The following ZNF18 variants were observed in gnomAD, a reference collection of about 807,000 sequenced individuals.
ZNF18 encodes the protein zinc finger protein 18, also known as heart development-specific gene 1 protein.
In ZNF18, 42 loss-of-function variants were observed where a neutral mutation model predicts 58.1. The ratio of observed to expected loss-of-function variants is 0.72; its 90% CI spans 0.56 to 0.93. The LOEUF (loss-of-function observed/expected upper bound fraction) is 0.93. Among genes scored for constraint, ZNF18 ranks in the 40% least tolerant of loss-of-function variants. ZNF18 has a pLI of 0.00. For missense variants in ZNF18, 540 were observed against 644.2 expected (o/e 0.84, Z 1.75); for synonymous variants, 231 against 239.8 (o/e 0.96, Z 0.34).
chr17:12,001,704 A>G (rs1192869882), upstream of ZNF18, among the ~76,000 whole-genome samples: 2 of 152,176 alleles, frequency 1.3e-5, no homozygotes. Context: ...AAATGTTCTC[A>G]CCATAAAAAA....
chr17:11,985,230 C>T (rs7216752), intron 4 of ZNF18, among the ~76,000 whole-genome samples: 1,757 of 152,280 alleles, frequency 0.012, 31 homozygotes, highest in African/African-American at 0.039. Context: ...ACTGGGAATA[C>T]CATACAGCTA....
chr17:11,995,312 G>A (rs77360849), intron 1 of ZNF18, among the ~76,000 whole-genome samples: 22 of 151,252 alleles, frequency 1.5e-4, no homozygotes, highest in African/African-American at 5.1e-4. Flanking sequence ...GGGAGGCTGA[G>A]TGAGGCAGGA....
At chr17:12,011,159 A>G in the ZNF18 span, 1 of 591,188 alleles carries the variant, frequency 1.7e-6, no homozygotes, top group Non-Finnish European at 3.1e-6. Flanking sequence ...GAACAACTCC[A>G]TGTTTTCTAA....
At chr17:11,983,531 A>C (rs1299314011) in intron 5 of ZNF18, 124 bp from the exon 6 acceptor site, 11 of 704,546 alleles carry the variant, frequency 1.6e-5, no homozygotes, top group Non-Finnish European at 2.7e-5. Flanking sequence ...ACTTGCAGAA[A>C]CTCACCTTAG....
At position 11,978,321 on chromosome 17, in the gene ZNF18, G is replaced by A. The variant is rs765712023; in HGVS notation, c.1286C>T (p.Thr429Ile). ...RNSQLIFHQR[T>I]HTGETYFQCT... ...CTGAAAGTATGTCTCTCCGGTGTGA[G>A]TTCTTTGGTGAAAAATAAGCTGAGA... Residue 429 changes from threonine (T) to isoleucine (I), a missense_variant, in exon 7 of 7, where the codon ACT becomes ATT. Transcript: ENST00000580306. 1 of 1,592,410 alleles carries A rather than the reference G, an allele frequency of 6.3e-7. No homozygotes were observed. The highest frequency in any genetic ancestry group is 8.5e-7 in the Non-Finnish European group (1 of 1,171,566).
At chr17:11,983,164 C>T in intron 6 of ZNF18, 133 bp downstream of exon 6, 2 of 616,334 alleles carry the variant, frequency 3.2e-6, no homozygotes, top group Non-Finnish European at 5.8e-6. Context: ...TCAAACCAAT[C>T]AGATCATGGC....
intron 2 of ZNF18, among the ~76,000 whole-genome samples, chr17:11,991,395 C>A (rs1021819098): frequency 6.6e-5 from 10 of 152,192 alleles, no homozygotes; most frequent in African/African-American, 2.4e-4. Flanking sequence ...ATGCCACTAA[C>A]GTGCTTCTAC....
intron 4 of ZNF18, among the ~76,000 whole-genome samples, chr17:11,986,721 G>C (rs1035689576): frequency 6.6e-6 from 1 of 152,126 alleles, no homozygotes; most frequent in Admixed American, 6.5e-5. Flanking sequence ...AGAACACATG[G>C]ACCTTGGCTT....
the ZNF18 span, among the ~76,000 whole-genome samples, chr17:12,005,341 T>C: frequency 2.6e-5 from 4 of 152,082 alleles, no homozygotes; most frequent in Non-Finnish European, 5.9e-5. Flanking sequence ...TGAAAATCAA[T>C]ACACAAAATA....
At chr17:11,981,592 G>C (rs1221960153) in intron 6 of ZNF18, among the ~76,000 whole-genome samples, 1 of 141,578 alleles carries the variant, frequency 7.1e-6, no homozygotes, top group East Asian at 2.1e-4. Flanking sequence ...CTCACATCTG[G>C]TTAAAGGCAG....
At chr17:12,020,193 A>G in the ZNF18 span, among the ~76,000 whole-genome samples, 39 of 152,328 alleles carry the variant, frequency 2.6e-4, no homozygotes, top group African/African-American at 9.1e-4. Flanking sequence ...AGCATATTTC[A>G]GGAGGCTGGG....
intron 6 of ZNF18, 73 bp from the exon 7 acceptor site, chr17:11,978,817 G>T (rs1967153178): frequency 3.1e-6 from 2 of 644,716 alleles, no homozygotes; most frequent in African/African-American, 3.8e-5. Flanking sequence ...TCAAAGAGAG[G>T]GTCATCATAA....
chr17:12,007,322 G>T, the ZNF18 span, among the ~76,000 whole-genome samples: 1 of 150,298 alleles, frequency 6.7e-6, no homozygotes, highest in Non-Finnish European at 1.5e-5. Context: ...ATTAGCCAGG[G>T]ATCCTTTAAA....
rs528748319 is a variant in ZNF18 at position 11,994,719 on chromosome 17, T to C, written c.-82-1808A>G. Among the ~76,000 whole-genome samples, 194 of 152,114 alleles carry C rather than the reference T, an allele frequency of 1.3e-3. 1 individual carries two copies. The highest frequency in any genetic ancestry group is 3.4e-3 in the Middle Eastern group (1 of 292). ...AGCCAGGCGTGGTGGCGGGCGCCTG[T>C]GATCCCAGCTACTCGGGAGGCTGAG... On this transcript the variant is annotated intron_variant, in intron 1 of 6. Coordinates refer to ENST00000580306, the MANE Select transcript of ZNF18 (RefSeq NM_001303281.2).
upstream of ZNF18, among the ~76,000 whole-genome samples, chr17:11,998,912 G>A (rs1968610020): frequency 6.8e-6 from 1 of 146,054 alleles, no homozygotes; most frequent in African/African-American, 2.6e-5. Flanking sequence ...GTGACCTCAA[G>A]TGATCCACCC....
At chr17:12,010,451 C>G in the ZNF18 span, among the ~76,000 whole-genome samples, 1 of 150,928 alleles carries the variant, frequency 6.6e-6, no homozygotes, top group Non-Finnish European at 1.5e-5. Flanking sequence ...GAGTCTTGCT[C>G]TCTCGCCAGT....
Position 11,977,762 on chromosome 17 carries a change from G to T in ZNF18, c.*195C>A. 1.8e-6 allele frequency: 1 copy of T among 570,982 alleles called. No homozygotes were observed. The highest frequency in any genetic ancestry group is 3.5e-5 in the South Asian group (1 of 28,246). The allele number at this position is 570,982 out of a possible 1,614,324, so 35.4% of individuals were successfully genotyped here. On this transcript the variant is annotated 3_prime_UTR_variant, in exon 7 of 7. Transcript: ENST00000580306. Reference sequence around the variant, plus strand: ...ATTCTTTCTCCTGAGGCAGAATCAAGAATTTAAGCCATTGTGCAATCCAAT... The same window carrying T: ...ATTCTTTCTCCTGAGGCAGAATCAATAATTTAAGCCATTGTGCAATCCAAT...
At chr17:12,009,239 T>A in the ZNF18 span, 2 of 145,334 alleles carry the variant, frequency 1.4e-5, no homozygotes, top group Admixed American at 6.9e-5. Flanking sequence ...GTGTAGACAA[T>A]TTTTTTTTTT....
the ZNF18 span, among the ~76,000 whole-genome samples, chr17:12,010,149 C>T: frequency 6.6e-6 from 1 of 151,056 alleles, no homozygotes; most frequent in African/African-American, 2.4e-5. Context: ...CCAATAAAAA[C>T]TTATAAGTAA....
Sources: allele counts gnomAD v4.1 joint callset (sites outside exome capture counted in the v4.1 genomes callset), GRCh38; gene constraint gnomAD v4.1.1; transcripts MANE v1.5; gene names NCBI Gene and HGNC (gene_info 2026-07-23, HGNC 2026-07-21).